PSMD4: variants seen among roughly 807,000 people sequenced by gnomAD.
The protein encoded by PSMD4 is 26S proteasome non-ATPase regulatory subunit 4.
In PSMD4, 5 loss-of-function variants were observed where a neutral mutation model predicts 39.7. The ratio of observed to expected loss-of-function variants is 0.13; its 90% CI spans 0.07 to 0.26. PSMD4 has a LOEUF of 0.26. PSMD4 is among the 10% of genes least tolerant of loss of function. The pLI is 1.00. For missense variants in PSMD4, 272 were observed against 486.1 expected (o/e 0.56, Z 4.14); for synonymous variants, 143 against 174.6 (o/e 0.82, Z 1.43).
intron 1 of PSMD4, among the ~76,000 whole-genome samples, chr1:151,257,753 A>T (rs1693212507): frequency 1.5e-5 from 2 of 133,690 alleles, no homozygotes; most frequent in African/African-American, 2.9e-5. Flanking sequence ...TTTAGTAAAG[A>T]TGGGGTTTGG....
chr1:151,260,477 C>T (rs1240335593), intron 1 of PSMD4, among the ~76,000 whole-genome samples: 2 of 152,122 alleles, frequency 1.3e-5, no homozygotes, highest in East Asian at 1.9e-4. Context: ...TCATTTTTAC[C>T]GTTCAGTTCA....
chr1:151,264,931 G>A lies in PSMD4; in HGVS notation c.369+13G>A, dbSNP rs1169715762. The A allele has an allele frequency of 6.3e-7, 1 of 1,599,906 alleles. No individual in the cohort carries two copies. On this transcript the variant is annotated intron_variant, in intron 4 of 9. Transcript: ENST00000368884. ...CAATGAGAAGGATGTGAGTCCAAGTGGCAGCTGGGGAATGTGGGGAGCCCA... is the reference window on the plus strand; with the variant it reads ...CAATGAGAAGGATGTGAGTCCAAGTAGCAGCTGGGGAATGTGGGGAGCCCA...
At chr1:151,264,804 C>T (rs1424864288) in intron 3 of PSMD4, 28 bp from the exon 4 acceptor site, 2 of 1,557,116 alleles carry the variant, frequency 1.3e-6, no homozygotes, top group African/African-American at 1.4e-5. Context: ...CTCTGGTTAA[C>T]TCTGAGAACT....
rs201652660 is a variant in PSMD4, at chr1:151,255,122, CG to C, written c.26+315del. 4.5e-3 allele frequency among the ~76,000 whole-genome samples: 690 copies of C among 152,322 alleles called. 7 individuals are homozygous for C. Among genetic ancestry groups the C allele is most frequent in the African/African-American group, 0.016 (655 of 41,558 alleles). On this transcript the variant is annotated intron_variant, in intron 1 of 9. Coordinates refer to ENST00000368884, the MANE Select transcript of PSMD4 (RefSeq NM_002810.4). ...CTACAGTTCTGCTTTTCGGACTCAT[CG>C]TAATAGTTTTCTGCCCTCCTTTCTT...
chr1:151,262,393 A>G, intron 2 of PSMD4, 92 bp downstream of exon 2: 1 of 1,468,058 alleles, frequency 6.8e-7, no homozygotes, highest in Non-Finnish European at 9.5e-7. Flanking sequence ...TTTGCCCATC[A>G]CCTTCCTAGA....
chr1:151,254,802 TG>T lies in PSMD4; in HGVS notation c.22del (p.Val8CysfsTer28). On this transcript the variant is annotated frameshift_variant, in exon 1 of 10. Coordinates refer to ENST00000368884, the MANE Select transcript of PSMD4 (RefSeq NM_002810.4). LOFTEE classifies it high-confidence loss of function. ...GGCAAGATGGTGTTGGAAAGCACTA[TG>T]GTGTGGTGAGGAGCTACTTCGGGGC... MVLEST[M>X]VCVDNSEYMR... is the part of the protein sequence containing the mutation. The T allele has an allele frequency of 6.5e-7, 1 of 1,536,742 alleles. No homozygotes were observed. Among genetic ancestry groups the T allele is most frequent in the South Asian group, 1.2e-5 (1 of 82,462 alleles).
intron 3 of PSMD4, among the ~76,000 whole-genome samples, chr1:151,264,362 G>A (rs903448872): frequency 6.6e-6 from 1 of 151,034 alleles, no homozygotes; most frequent in African/African-American, 2.4e-5. Flanking sequence ...AAAAAAGGCC[G>A]GGCGCGGTGG....
At chr1:151,256,140 TACTG>T (rs1315504343) in intron 1 of PSMD4, among the ~76,000 whole-genome samples, 1 of 151,676 alleles carries the variant, frequency 6.6e-6, no homozygotes, top group African/African-American at 2.4e-5. Flanking sequence ...GGTCAGGAGT[TACTG>T]ACCAGCCTGG....
chr1:151,266,596 C>T lies in PSMD4; in HGVS notation c.963+9C>T. On this transcript the variant is annotated intron_variant, in intron 9 of 9. Coordinates refer to ENST00000368884, the MANE Select transcript of PSMD4 (RefSeq NM_002810.4). ...CATCTGAGCCAGCCAAGGTGAGACCCAACCCTGCCCCCATCAGGTTTAAAG... is the reference window on the plus strand; with the variant it reads ...CATCTGAGCCAGCCAAGGTGAGACCTAACCCTGCCCCCATCAGGTTTAAAG... The T allele has an allele frequency of 6.2e-7, 1 of 1,613,974 alleles. No homozygotes were observed. The highest frequency in any genetic ancestry group is 8.5e-7 in the Non-Finnish European group (1 of 1,179,886).
At chr1:151,255,357 C>T (rs1251603933) in intron 1 of PSMD4, among the ~76,000 whole-genome samples, 1 of 152,058 alleles carries the variant, frequency 6.6e-6, no homozygotes, top group African/African-American at 2.4e-5. Flanking sequence ...TTCAGGATAC[C>T]GAGTCTCAGC....
chr1:151,261,297 T>G (rs1558321191), intron 1 of PSMD4, among the ~76,000 whole-genome samples: 3 of 147,830 alleles, frequency 2.0e-5, no homozygotes, highest in Admixed American at 6.8e-5. Context: ...TGCCTCAGCC[T>G]CCCGAGTAGC....
At chr1:151,264,120 A>T (rs1693376147) in intron 3 of PSMD4, 92 bp downstream of exon 3, 1 of 1,017,718 alleles carries the variant, frequency 9.8e-7, no homozygotes, top group Non-Finnish European at 1.5e-6. Flanking sequence ...CTGAGCTAGG[A>T]CCAGAGCAAG....
Position 151,254,776 on chromosome 1 carries a change from T to A in PSMD4, c.-7T>A. 1 of 1,562,168 alleles carries A rather than the reference T, an allele frequency of 6.4e-7. No homozygotes were observed. Among genetic ancestry groups the A allele is most frequent in the Non-Finnish European group, 8.7e-7 (1 of 1,155,252 alleles). On this transcript the variant is annotated 5_prime_UTR_variant, in exon 1 of 10. Transcript: ENST00000368884. ...GAGACCCGGTCGGGAGGGAGGAAGG[T>A]GGCAAGATGGTGTTGGAAAGCACTA... is the stretch of plus-strand genomic sequence containing the variant.
Position 151,265,161 on chromosome 1 carries a change from C to A in PSMD4, c.370-5C>A, listed in dbSNP as rs587688440. On this transcript the variant is annotated splice_polypyrimidine_tract_variant and splice_region_variant and intron_variant, in intron 4 of 9. Coordinates refer to ENST00000368884, the MANE Select transcript of PSMD4 (RefSeq NM_002810.4). Reference sequence around the variant, plus strand: ...ATTTCTTGATTTTTCTCCCCTTCTTCCCAGCTGGTGAAACTGGCTAAACGC... The same window carrying A: ...ATTTCTTGATTTTTCTCCCCTTCTTACCAGCTGGTGAAACTGGCTAAACGC... 196 of 1,607,294 alleles carry A rather than the reference C, an allele frequency of 1.2e-4. 6 individuals are homozygous for A. The South Asian group carries it at 2.2e-3, about 18-fold the overall frequency.
At position 151,254,807 on chromosome 1, in the gene PSMD4, T is replaced by C. The variant is rs1558318702; in HGVS notation, c.25T>C (p.Cys9Arg). MVLESTMV[C>R]VDNSEYMRNG... ...GATGGTGTTGGAAAGCACTATGGTG[T>C]GGTGAGGAGCTACTTCGGGGCAGGA... The change falls in exon 1 of 10, where the codon TGT becomes CGT. Residue 9 changes from cysteine to arginine, a missense_variant and splice_region_variant. Coordinates refer to ENST00000368884, the MANE Select transcript of PSMD4 (RefSeq NM_002810.4). 1 of 1,525,694 alleles carries C rather than the reference T, an allele frequency of 6.6e-7. No homozygotes were observed. 94.5% of individuals were successfully genotyped at this position (1,525,694 alleles called of 1,614,324 possible).
At chr1:151,266,751 A>G (rs1693458176) in intron 9 of PSMD4, 164 bp downstream of exon 9, 3 of 916,590 alleles carry the variant, frequency 3.3e-6, no homozygotes, top group Non-Finnish European at 3.4e-6. Context: ...TAGCAATGCT[A>G]ATGGTCAGAG....
At chr1:151,256,362 AT>A (rs1201029902) in intron 1 of PSMD4, among the ~76,000 whole-genome samples, 1,557 of 37,026 alleles carry the variant, frequency 0.042, 69 homozygotes, top group Non-Finnish European at 0.07. Flanking sequence ...AAAAATAATA[AT>A]AAAATAAATA....
intron 1 of PSMD4, among the ~76,000 whole-genome samples, chr1:151,259,712 G>T (rs587772370): frequency 2.6e-5 from 4 of 151,854 alleles, no homozygotes; most frequent in Non-Finnish European, 5.9e-5. Flanking sequence ...AACAAAGTGA[G>T]ACTCCATCTC....
At chr1:151,260,907 G>A (rs904126076) in intron 1 of PSMD4, among the ~76,000 whole-genome samples, 41 of 150,328 alleles carry the variant, frequency 2.7e-4, no homozygotes, top group Admixed American at 2.1e-3. Context: ...GTGCAGTGGC[G>A]TGATCTTGAC....
Sources: allele counts gnomAD v4.1 joint callset (sites outside exome capture counted in the v4.1 genomes callset), GRCh38; gene constraint gnomAD v4.1.1; transcripts MANE v1.5; gene names NCBI Gene and HGNC (gene_info 2026-07-23, HGNC 2026-07-21).